Variants in CCDC138 observed in about 807,000 individuals in gnomAD.
CCDC138 encodes coiled-coil domain-containing protein 138.
A neutral mutation model predicts 82.3 loss-of-function variants in CCDC138; 66 were observed. That is an observed-to-expected ratio of 0.80 (90% CI 0.66 to 0.98). The LOEUF is 0.98. CCDC138 is among the 50% of genes least tolerant of loss of function. The pLI is 0.00. For synonymous variants in CCDC138, 297 were observed against 265.4 expected, an observed-to-expected ratio of 1.12 and a Z score of -1.16; for missense variants, 816 against 758.9, an observed-to-expected ratio of 1.08 and a Z score of -0.88.
rs188990581 is a variant in CCDC138 at position 108,815,369 on chromosome 2, A to G, written c.1042-572A>G. ...AAAAGTTTTCTTTTAGTAATAAGGT[A>G]CAGTTATTCCAACTTCCTGATTATG... On this transcript the variant is annotated intron_variant, in intron 9 of 14. Transcript: ENST00000295124. Among the ~76,000 whole-genome samples the G allele has an allele frequency of 2.9e-3, 447 of 151,882 alleles. 2 individuals are homozygous for G. Among genetic ancestry groups the G allele is most frequent in the African/African-American group, 0.01 (424 of 41,440 alleles).
intron 14 of CCDC138, among the ~76,000 whole-genome samples, chr2:108,874,265 C>T (rs976920681): frequency 2.0e-5 from 3 of 152,038 alleles, no homozygotes; most frequent in Admixed American, 6.6e-5. Context: ...ACTTTGGTAA[C>T]GGGATTTATT....
Position 108,788,203 on chromosome 2 carries a change from G to T in CCDC138, c.151+114G>T, listed in dbSNP as rs530971953. ...GGAGGCCGAGGCAGGCGAATCACCT[G>T]AGGTCAGGAGTTCGAGACCACTCAG... On this transcript the variant is annotated intron_variant, in intron 2 of 14. Transcript: ENST00000295124. 481 of 1,027,344 alleles carry T rather than the reference G, an allele frequency of 4.7e-4. 1 individual carries two copies. Among genetic ancestry groups the T allele is most frequent in the Non-Finnish European group, 6.5e-4 (466 of 714,162 alleles). 63.6% of individuals were successfully genotyped at this position (1,027,344 alleles called of 1,614,324 possible).
At chr2:108,798,626 T>C (rs765932531) in intron 6 of CCDC138, 40 bp downstream of exon 6, 2 of 1,468,530 alleles carry the variant, frequency 1.4e-6, no homozygotes, top group Non-Finnish European at 1.9e-6. Context: ...GTATATTTCT[T>C]CTTTTCTTCT....
At position 108,791,802 on chromosome 2, in the gene CCDC138, G is replaced by T. The variant is rs780988686; in HGVS notation, c.394G>T (p.Val132Phe). The T allele has an allele frequency of 1.3e-6, 2 of 1,576,692 alleles. No individual in the cohort carries two copies. The highest frequency in any genetic ancestry group is 1.7e-6 in the Non-Finnish European group (2 of 1,160,320). ...TKQSFKEIEK[V>F]ALPTNTTSSR... ...GCAGTCTTTTAAAGAAATAGAAAAA[G>T]GTAAAATAAATATTTTAGAACAATC... Residue 132 changes from valine to phenylalanine, a missense_variant and splice_region_variant, in exon 4 of 15, where the codon GTT becomes TTT. Transcript: ENST00000295124.
chr2:108,864,843 C>T (rs1694174138), intron 13 of CCDC138, among the ~76,000 whole-genome samples: 1 of 151,060 alleles, frequency 6.6e-6, no homozygotes, highest in Non-Finnish European at 1.5e-5. Context: ...CACTTGTAGT[C>T]CCAGCTACTT....
At chr2:108,800,161 A>C (rs77446137) in intron 6 of CCDC138, among the ~76,000 whole-genome samples, 1,926 of 152,258 alleles carry the variant, frequency 0.013, 38 homozygotes, top group African/African-American at 0.044. Flanking sequence ...GGGTATATTC[A>C]AGACCTTCTG....
chr2:108,854,066 T>TAA (rs1692209592), intron 12 of CCDC138, among the ~76,000 whole-genome samples: 1 of 121,778 alleles, frequency 8.2e-6, no homozygotes, highest in Non-Finnish European at 1.6e-5. Context: ...TTATATATAT[T>TAA]TTATATATAA....
chr2:108,789,317 G>C (rs1239950100), intron 3 of CCDC138, among the ~76,000 whole-genome samples: 1 of 152,192 alleles, frequency 6.6e-6, no homozygotes. Context: ...TATGGGCCAG[G>C]TGCGGTGGCT....
At chr2:108,808,424 G>A (rs1404699220) in intron 7 of CCDC138, among the ~76,000 whole-genome samples, 4 of 151,924 alleles carry the variant, frequency 2.6e-5, no homozygotes, top group Non-Finnish European at 5.9e-5. Flanking sequence ...CGTTTTTTTG[G>A]GAACCTGAAT....
intron 3 of CCDC138, 102 bp from the exon 4 acceptor site, chr2:108,791,573 A>AT (rs781767596): frequency 8.7e-6 from 12 of 1,381,688 alleles, no homozygotes; most frequent in African/African-American, 4.3e-5. Flanking sequence ...ATGTTTTTAC[A>AT]TTTTTTCTCA....
chr2:108,831,790 T>TG (rs1167401190), intron 10 of CCDC138, among the ~76,000 whole-genome samples: 3 of 150,808 alleles, frequency 2.0e-5, no homozygotes, highest in Non-Finnish European at 4.4e-5. Context: ...TGGAGCGCAA[T>TG]GGCATGATCT....
At chr2:108,884,885 C>T (rs966241296) in intron 2 of CCDC138, 1 of 151,274 alleles carries the variant, frequency 6.6e-6, no homozygotes, top group Non-Finnish European at 1.5e-5. Context: ...GTTGAAACAC[C>T]TCTGCTCTGT....
At chr2:108,807,981 A>G (rs181629539) in intron 7 of CCDC138, among the ~76,000 whole-genome samples, 1 of 152,112 alleles carries the variant, frequency 6.6e-6, no homozygotes, top group African/African-American at 2.4e-5. Flanking sequence ...AGCCATCCCA[A>G]CCTCTAGTAA....
intron 5 of CCDC138, 116 bp from the exon 6 acceptor site, chr2:108,798,312 A>C: frequency 9.8e-7 from 1 of 1,025,564 alleles, no homozygotes. Flanking sequence ...GATTGTCCTT[A>C]GGTACCCCTG....
intron 5 of CCDC138, among the ~76,000 whole-genome samples, chr2:108,797,962 A>ATT (rs11289218): frequency 7.1e-6 from 1 of 141,238 alleles, no homozygotes; most frequent in Admixed American, 7.1e-5. Flanking sequence ...ACGGTGTGTG[A>ATT]TTTTTTTTTT....
intron 13 of CCDC138, among the ~76,000 whole-genome samples, chr2:108,870,059 T>A (rs1307500507): frequency 6.6e-6 from 1 of 152,226 alleles, no homozygotes; most frequent in Non-Finnish European, 1.5e-5. Context: ...AGGGAAGTGA[T>A]ACATGAGCAA....
chr2:108,813,241 TC>T (rs1215928555), intron 9 of CCDC138, among the ~76,000 whole-genome samples: 1 of 85,954 alleles, frequency 1.2e-5, no homozygotes, highest in Non-Finnish European at 2.0e-5. Context: ...AGAGTGAGAC[TC>T]CGTCTCAAAA....
intron 3 of CCDC138, among the ~76,000 whole-genome samples, chr2:108,790,501 G>C (rs1679729363): frequency 6.6e-6 from 1 of 152,268 alleles, no homozygotes; most frequent in African/African-American, 2.4e-5. Context: ...GAGATATGCT[G>C]TAAGTGTCAT....
chr2:108,787,942 T>C, intron 1 of CCDC138, 90 bp from the exon 2 acceptor site: 2 of 1,104,878 alleles, frequency 1.8e-6, no homozygotes, highest in Admixed American at 5.6e-5. Context: ...ACTCTAACCT[T>C]TGTAATTAAT....
Sources: allele counts gnomAD v4.1 joint callset (sites outside exome capture counted in the v4.1 genomes callset), GRCh38; gene constraint gnomAD v4.1.1; transcripts MANE v1.5; gene names NCBI Gene and HGNC (gene_info 2026-07-23, HGNC 2026-07-21).